TRAPPC3L: variants seen among roughly 807,000 people sequenced by gnomAD.
TRAPPC3L encodes trafficking protein particle complex subunit 3L.
A neutral mutation model predicts 23.7 loss-of-function variants in TRAPPC3L; 23 were observed. That is an observed-to-expected ratio of 0.97 (90% CI 0.70 to 1.37). The LOEUF (loss-of-function observed/expected upper bound fraction) is 1.37, where lower values mean the gene tolerates loss of function less well. Among genes scored for constraint, TRAPPC3L ranks in the 40% most tolerant of loss-of-function variants. TRAPPC3L has a pLI of 0.00. For synonymous variants in TRAPPC3L, 81 were observed against 77.9 expected, an observed-to-expected ratio of 1.04 and a Z score of -0.21; for missense variants, 212 against 216.8, an observed-to-expected ratio of 0.98 and a Z score of 0.14.
chr6:116,536,373 C>T (rs1252055048), intron 3 of TRAPPC3L, among the ~76,000 whole-genome samples: 1 of 152,078 alleles, frequency 6.6e-6, no homozygotes, highest in Non-Finnish European at 1.5e-5. Flanking sequence ...TGTCAGAGGC[C>T]TAATGACAGA....
intron 3 of TRAPPC3L, among the ~76,000 whole-genome samples, chr6:116,537,115 G>A (rs1376435701): frequency 6.6e-6 from 1 of 152,168 alleles, no homozygotes; most frequent in Non-Finnish European, 1.5e-5. Flanking sequence ...TTTGAAGGAA[G>A]GTGCAAAGAG....
Position 116,495,728 on chromosome 6 carries a change from T to A in TRAPPC3L, c.*1226A>T, listed in dbSNP as rs1771824575. The A allele has an allele frequency of 6.6e-6, 1 of 152,206 alleles. No individual in the cohort carries two copies. Among genetic ancestry groups the A allele is most frequent in the Admixed American group, 6.5e-5 (1 of 15,270 alleles). The allele number at this position is 152,206 out of a possible 1,614,324, so 9.4% of individuals were successfully genotyped here. A position where few individuals can be genotyped will look rare whatever the true frequency, so the allele number is the denominator to read the frequency against. On this transcript the variant is annotated 3_prime_UTR_variant, in exon 5 of 5. Transcript: ENST00000368602. Reference sequence around the variant, plus strand: ...CATTTTTAACTAGGGTGAGATAATATCTCATTATAGTTTTGATTTGCATTT... The same window carrying A: ...CATTTTTAACTAGGGTGAGATAATAACTCATTATAGTTTTGATTTGCATTT...
chr6:116,496,936 C>G lies in TRAPPC3L; in HGVS notation c.*18G>C, dbSNP rs1274602473. On this transcript the variant is annotated 3_prime_UTR_variant, in exon 5 of 5. Transcript: ENST00000368602. ...ATTAACTCAGCTAGCCGCCCCGTGG[C>G]ATTTTCCGTGCTAGTCTTCATTTTT... 1 of 1,535,374 alleles carries G rather than the reference C, an allele frequency of 6.5e-7. No homozygotes were observed. The highest frequency in any genetic ancestry group is 1.2e-5 in the South Asian group (1 of 80,568).
intron 3 of TRAPPC3L, among the ~76,000 whole-genome samples, chr6:116,501,693 G>A (rs1169965932): frequency 6.6e-6 from 1 of 152,150 alleles, no homozygotes; most frequent in Non-Finnish European, 1.5e-5. Context: ...GCAATTATCT[G>A]CTGTTCTGCA....
chr6:116,540,064 T>C (rs1236874111), intron 3 of TRAPPC3L, among the ~76,000 whole-genome samples: 1 of 152,198 alleles, frequency 6.6e-6, no homozygotes, highest in Non-Finnish European at 1.5e-5. Context: ...ATGCATGTTT[T>C]AAGGTTGCCC....
chr6:116,530,902 CATATATATAT>C (rs10557481), intron 3 of TRAPPC3L, among the ~76,000 whole-genome samples: 11,958 of 76,478 alleles, frequency 0.16, 737 homozygotes, highest in Admixed American at 0.23. Context: ...AAGTGAGACT[CATATATATAT>C]ATATATATAT....
At chr6:116,527,606 T>G (rs1477827096) in intron 3 of TRAPPC3L, among the ~76,000 whole-genome samples, 2 of 152,074 alleles carry the variant, frequency 1.3e-5, no homozygotes, top group Non-Finnish European at 2.9e-5. Context: ...CATGTCAATT[T>G]AATTCTCAGG....
At chr6:116,515,949 A>C (rs777634595) in intron 3 of TRAPPC3L, 7 of 1,611,266 alleles carry the variant, frequency 4.3e-6, no homozygotes, top group Non-Finnish European at 5.1e-6. Context: ...GAGGATGATG[A>C]GACGACAATG....
chr6:116,512,933 T>A (rs537078421), intron 3 of TRAPPC3L, among the ~76,000 whole-genome samples: 39 of 152,336 alleles, frequency 2.6e-4, no homozygotes, highest in Admixed American at 5.2e-4. Flanking sequence ...GATTTGGGCA[T>A]TGTTTTATTT....
In TRAPPC3L at chr6:116,496,426, A is replaced by G. The variant is rs932334454; in HGVS notation, c.*528T>C. ...GACTTGGTGATTACAAATCAAGGGT[A>G]GCGTCAGAAGGCTAAAGCTATAAGC... On this transcript the variant is annotated 3_prime_UTR_variant, in exon 5 of 5. Transcript: ENST00000368602. 1 of 152,216 alleles carries G rather than the reference A, an allele frequency of 6.6e-6. No homozygotes were observed. Among genetic ancestry groups the G allele is most frequent in the Non-Finnish European group, 1.5e-5 (1 of 68,032 alleles). 9.4% of individuals were successfully genotyped at this position (152,216 alleles called of 1,614,324 possible). A position where few individuals can be genotyped will look rare whatever the true frequency, so the allele number is the denominator to read the frequency against.
chr6:116,535,821 G>GA (rs1773043621), intron 3 of TRAPPC3L, among the ~76,000 whole-genome samples: 2 of 152,208 alleles, frequency 1.3e-5, no homozygotes, highest in East Asian at 3.9e-4. Context: ...TTAGTTTGTG[G>GA]AAAAAACACT....
intron 3 of TRAPPC3L, among the ~76,000 whole-genome samples, chr6:116,502,029 C>A (rs188934292): frequency 6.6e-6 from 1 of 152,298 alleles, no homozygotes; most frequent in Admixed American, 6.5e-5. Context: ...ATGAATTTGA[C>A]AAGTTGACAG....
intron 3 of TRAPPC3L, among the ~76,000 whole-genome samples, chr6:116,501,991 C>T (rs777417095): frequency 6.6e-6 from 1 of 152,168 alleles, no homozygotes; most frequent in African/African-American, 2.4e-5. Context: ...CAACTCTTTG[C>T]CAGCAAGGGA....
At chr6:116,543,900 A>G in intron 1 of TRAPPC3L, 2 of 1,481,706 alleles carry the variant, frequency 1.3e-6, no homozygotes, top group Non-Finnish European at 1.8e-6. Context: ...TTACTTAGAG[A>G]AAAAAGGGGA....
chr6:116,515,875 C>G, intron 3 of TRAPPC3L: 1 of 1,613,958 alleles, frequency 6.2e-7, no homozygotes, highest in Non-Finnish European at 8.5e-7. Flanking sequence ...ATTCTTTCCA[C>G]CAAAGCCAGC....
Position 116,496,407 on chromosome 6 carries a change from G to T in TRAPPC3L, c.*547C>A, listed in dbSNP as rs570332565. The T allele has an allele frequency of 3.9e-5, 6 of 152,084 alleles. No homozygotes were observed. The highest frequency in any genetic ancestry group is 1.4e-4 in the African/African-American group (6 of 41,406). 9.4% of individuals were successfully genotyped at this position (152,084 alleles called of 1,614,324 possible). A position where few individuals can be genotyped will look rare whatever the true frequency, so the allele number is the denominator to read the frequency against. ...ATCATTGAATAAATAGCTTGACTTG[G>T]TGATTACAAATCAAGGGTAGCGTCA... On this transcript the variant is annotated 3_prime_UTR_variant, in exon 5 of 5. Coordinates refer to ENST00000368602, the MANE Select transcript of TRAPPC3L (RefSeq NM_001139444.3).
At position 116,496,571 on chromosome 6, in the gene TRAPPC3L, T is replaced by C. The variant is rs965964468; in HGVS notation, c.*383A>G. 4 of 172,994 alleles carry C rather than the reference T, an allele frequency of 2.3e-5. No individual in the cohort carries two copies. The highest frequency in any genetic ancestry group is 4.8e-5 in the Non-Finnish European group (4 of 82,820). The allele number at this position is 172,994 out of a possible 1,614,324, so 10.7% of individuals were successfully genotyped here. ...TCTATATATAGGAAACTCTATGCTA[T>C]ATCATTTCATTCTTTTTTTTTCAGC... On this transcript the variant is annotated 3_prime_UTR_variant, in exon 5 of 5. Transcript: ENST00000368602.
intron 2 of TRAPPC3L, among the ~76,000 whole-genome samples, chr6:116,541,186 T>C (rs539349747): frequency 2.0e-5 from 3 of 152,076 alleles, no homozygotes; most frequent in African/African-American, 7.2e-5. Context: ...TGTAGCTAAG[T>C]TGGCTGAGCA....
intron 3 of TRAPPC3L, among the ~76,000 whole-genome samples, chr6:116,501,020 C>T (rs916407980): frequency 4.6e-5 from 7 of 152,154 alleles, no homozygotes; most frequent in South Asian, 2.1e-4. Context: ...GAGAGTGAGC[C>T]GAAGCAGGGC....
Sources: gnomAD v4.1 joint callset for allele counts (sites outside exome capture counted in the v4.1 genomes callset) on GRCh38, gnomAD v4.1.1 for gene constraint, MANE v1.5 for transcripts, NCBI Gene and HGNC (gene_info 2026-07-23, HGNC 2026-07-21) for gene names.